ROR1: variants seen among roughly 807,000 people sequenced by gnomAD.
The protein encoded by ROR1 is ROR family WNT receptor 1, also known as inactive tyrosine-protein kinase transmembrane receptor ROR1.
A neutral mutation model predicts 78.8 loss-of-function variants in ROR1; 19 were observed. The ratio of observed to expected loss-of-function variants is 0.24; its 90% confidence interval spans 0.17 to 0.35. The LOEUF is 0.35. Among genes scored for constraint, ROR1 ranks in the 10% least tolerant of loss-of-function variants. The pLI is 1.00. For synonymous variants in ROR1, 386 were observed against 433.6 expected (o/e 0.89, Z 1.36); for missense variants, 917 against 1,177.8 (o/e 0.78, Z 3.24).
intron 1 of ROR1, among the ~76,000 whole-genome samples, chr1:63,942,217 C>A (rs962226688): frequency 6.6e-6 from 1 of 152,214 alleles, no homozygotes; most frequent in Non-Finnish European, 1.5e-5. Context: ...ACTCTTTCTT[C>A]AGTCTCTACA....
chr1:64,178,311 G>T lies in ROR1; in HGVS notation c.2270G>T (p.Ser757Ile). 1.2e-6 allele frequency: 2 copies of T among 1,614,126 alleles called. No homozygotes were observed. Among genetic ancestry groups the T allele is most frequent in the Non-Finnish European group, 1.7e-6 (2 of 1,180,022 alleles). ...RSWEGLSSHT[S>I]STTPSGGNAT... ...TGGGAGGGACTCTCAAGTCACACAA[G>T]CTCTACTACTCCTTCAGGGGGAAAT... The change falls in exon 9 of 9, where the codon AGC (serine) becomes ATC (isoleucine). Residue 757 changes from serine (S) to isoleucine (I), a missense_variant. Physicochemically the swap from Ser to Ile is moderately radical, Grantham distance 142 (BLOSUM62 -2). Around this residue, in one of 3 missense-constraint regions of ROR1, gnomAD observed 835 missense variants for 1,069.8 expected, o/e 0.78. Transcript: ENST00000371079. This position sits in a 1 kb window ranked among gnomAD's most constrained non-coding sequence, Gnocchi z 4.3.
chr1:63,861,964 T>C (rs1305190065), intron 1 of ROR1, among the ~76,000 whole-genome samples: 2 of 152,250 alleles, frequency 1.3e-5, no homozygotes, highest in African/African-American at 4.8e-5. Context: ...GCATATTCTA[T>C]AAGGAAAAAT....
chr1:64,172,033 C>T (rs937102418), intron 8 of ROR1, among the ~76,000 whole-genome samples: 1 of 152,206 alleles, frequency 6.6e-6, no homozygotes, highest in African/African-American at 2.4e-5. Flanking sequence ...GATAAAGCCA[C>T]TGAGTCTGCC....
At chr1:64,052,886 T>C (rs2100595360) in intron 4 of ROR1, among the ~76,000 whole-genome samples, 1 of 152,210 alleles carries the variant, frequency 6.6e-6, no homozygotes, top group Non-Finnish European at 1.5e-5. Flanking sequence ...CTGCTCTTTA[T>C]CTCTTCTCTT....
chr1:64,140,880 A>ATACAGAT (rs1196336234), intron 6 of ROR1, among the ~76,000 whole-genome samples: 2 of 152,246 alleles, frequency 1.3e-5, no homozygotes, highest in African/African-American at 4.8e-5. Flanking sequence ...AAGGAATGAA[A>ATACAGAT]TACAGATACG....
intron 1 of ROR1, among the ~76,000 whole-genome samples, chr1:63,955,660 C>A (rs1418852057): frequency 6.6e-6 from 1 of 152,244 alleles, no homozygotes; most frequent in East Asian, 1.9e-4. Flanking sequence ...GCCAAAGTTT[C>A]ATTTATCCCC....
rs566802740 is a variant in ROR1 at position 63,845,445 on chromosome 1, G to A, written c.91+70937G>A. ...TAACTACTATACAATAGTATTTGGA[G>A]TATATCTCTGTAGTCTGTCTTCCTT... On this transcript the variant is annotated intron_variant, in intron 1 of 8. Coordinates refer to ENST00000371079, the MANE Select transcript of ROR1 (RefSeq NM_005012.4). Among the ~76,000 whole-genome samples the A allele has an allele frequency of 7.9e-5, 12 of 152,300 alleles. No individual in the cohort carries two copies. The South Asian group carries it at 1.0e-3, about 13-fold the overall frequency.
chr1:64,105,068 G>A (rs529803795), intron 4 of ROR1, among the ~76,000 whole-genome samples: 73 of 152,154 alleles, frequency 4.8e-4, no homozygotes, highest in Non-Finnish European at 9.4e-4. Context: ...ACTAATTTAC[G>A]TTCCCATTAA....
At chr1:64,125,539 C>T (rs1423514159) in intron 4 of ROR1, among the ~76,000 whole-genome samples, 3 of 152,114 alleles carry the variant, frequency 2.0e-5, no homozygotes, top group East Asian at 1.9e-4. Flanking sequence ...GATACGATTC[C>T]GTACTACGAG....
intron 1 of ROR1, among the ~76,000 whole-genome samples, chr1:63,842,046 C>A (rs1365002660): frequency 6.6e-6 from 1 of 152,118 alleles, no homozygotes; most frequent in East Asian, 1.9e-4. Flanking sequence ...GTTGGTGACA[C>A]CACTGTCTAA....
intron 1 of ROR1, among the ~76,000 whole-genome samples, chr1:63,777,727 G>C (rs628969): frequency 0.089 from 13,554 of 152,140 alleles, 645 homozygotes; most frequent in Non-Finnish European, 0.11. Context: ...TGGTTTGATG[G>C]TGAACATCTA....
chr1:64,003,917 C>T (rs995231598), intron 1 of ROR1, among the ~76,000 whole-genome samples: 2 of 152,170 alleles, frequency 1.3e-5, no homozygotes, highest in Non-Finnish European at 2.9e-5. Flanking sequence ...ACTGTTTTCC[C>T]GCCACCCTCC....
intron 1 of ROR1, among the ~76,000 whole-genome samples, chr1:63,932,853 C>T (rs1410967195): frequency 6.6e-6 from 1 of 152,046 alleles, no homozygotes; most frequent in African/African-American, 2.4e-5. Flanking sequence ...TGATTTTTAC[C>T]TGGAGCTTGA....
At chr1:64,113,037 C>T (rs1411453955) in intron 4 of ROR1, among the ~76,000 whole-genome samples, 2 of 152,128 alleles carry the variant, frequency 1.3e-5, no homozygotes, top group Non-Finnish European at 2.9e-5. Flanking sequence ...TGCCACCTTC[C>T]ATAGATTTAA....
At chr1:63,940,000 C>T (rs1055728592) in intron 1 of ROR1, among the ~76,000 whole-genome samples, 4 of 152,036 alleles carry the variant, frequency 2.6e-5, no homozygotes. Context: ...AGGAGTTGGA[C>T]CTGAGTATCC....
intron 4 of ROR1, chr1:64,111,949 C>T (rs1404288309): frequency 1.3e-5 from 2 of 152,200 alleles, no homozygotes; most frequent in Admixed American, 6.5e-5. Flanking sequence ...TCCTTACATT[C>T]CACAAACTAG....
intron 1 of ROR1, among the ~76,000 whole-genome samples, chr1:63,913,512 C>G (rs890927695): frequency 6.6e-6 from 1 of 152,080 alleles, no homozygotes; most frequent in African/African-American, 2.4e-5. Flanking sequence ...CACTAGTTGC[C>G]GTAAGATTCA....
intron 1 of ROR1, among the ~76,000 whole-genome samples, chr1:63,915,706 A>G (rs705526): frequency 0.85 from 129,755 of 152,062 alleles, 55,841 homozygotes; most frequent in East Asian, 0.99. Context: ...ACAGAGTAGT[A>G]CTGCTTCCCT....
chr1:63,999,022 G>A (rs1188832244), intron 1 of ROR1, among the ~76,000 whole-genome samples: 1 of 152,150 alleles, frequency 6.6e-6, no homozygotes, highest in African/African-American at 2.4e-5. Context: ...CTCCATGATT[G>A]CGAGGCCTCT....
Sources: gnomAD v4.1 joint callset for allele counts (sites outside exome capture counted in the v4.1 genomes callset) on GRCh38, gnomAD v4.1.1 for gene constraint, gnomAD v4.1.1 regional missense constraint, Gnocchi (gnomAD v3.1) non-coding constraint, MANE v1.5 for transcripts, NCBI Gene and HGNC (gene_info 2026-07-23, HGNC 2026-07-21) for gene names.